PDE11A: variants seen among roughly 807,000 people sequenced by gnomAD.
The protein encoded by PDE11A is phosphodiesterase 11A, also known as dual 3',5'-cyclic-AMP and -GMP phosphodiesterase 11A.
Under a neutral mutation model 100.5 loss-of-function variants are expected in PDE11A, and 100 were observed. The observed-to-expected ratio is 1.00, with a 90% CI of 0.85 to 1.18. The LOEUF is 1.18. Among genes scored for constraint, PDE11A ranks in the 50% most tolerant of loss-of-function variants. The probability of loss-of-function intolerance (pLI) is 0.00; values close to 1 mark genes in which losing one functional copy is unlikely to be tolerated. For synonymous variants in PDE11A, 381 were observed against 420.8 expected, an observed-to-expected ratio of 0.91 and a Z score of 1.16; for missense variants, 1,141 against 1,152.6, an observed-to-expected ratio of 0.99 and a Z score of 0.15.
upstream of PDE11A, among the ~76,000 whole-genome samples, chr2:178,075,502 A>G (rs1267231719): frequency 1.0e-4 from 15 of 144,122 alleles, no homozygotes; most frequent in Non-Finnish European, 4.5e-5. Flanking sequence ...CAGTGAGCTG[A>G]GATCGCACCA....
chr2:177,780,641 G>A (rs111917805), intron 9 of PDE11A, among the ~76,000 whole-genome samples: 2 of 152,182 alleles, frequency 1.3e-5, no homozygotes, highest in Non-Finnish European at 2.9e-5. Flanking sequence ...AGATGTTCTG[G>A]ATAACTTGCT....
intron 6 of PDE11A, among the ~76,000 whole-genome samples, chr2:177,835,328 G>A (rs2083377650): frequency 6.6e-6 from 1 of 152,154 alleles, no homozygotes; most frequent in African/African-American, 2.4e-5. Flanking sequence ...CTGAGGCAGG[G>A]GGGCTCCTTA....
intron 5 of PDE11A, among the ~76,000 whole-genome samples, chr2:177,862,938 C>A (rs78124241): frequency 1.3e-5 from 2 of 151,802 alleles, no homozygotes; most frequent in African/African-American, 4.8e-5. Context: ...AATTATATTA[C>A]AAAGCTATAG....
At chr2:178,004,344 T>C (rs957887630) in intron 2 of PDE11A, among the ~76,000 whole-genome samples, 3 of 152,202 alleles carry the variant, frequency 2.0e-5, no homozygotes, top group Non-Finnish European at 2.9e-5. Flanking sequence ...ACTTGGATTC[T>C]ATTAAATTTT....
At chr2:177,953,350 A>G (rs1304958790) in intron 2 of PDE11A, 3 of 152,226 alleles carry the variant, frequency 2.0e-5, no homozygotes, top group Admixed American at 2.0e-4. Context: ...TTCATTCCAA[A>G]TAGAAAATCA....
chr2:177,794,432 G>GT (rs1408428753), intron 9 of PDE11A, among the ~76,000 whole-genome samples: 3 of 152,172 alleles, frequency 2.0e-5, no homozygotes, highest in Non-Finnish European at 2.9e-5. Flanking sequence ...GGAAACCATC[G>GT]TAACTTGGCC....
intron 2 of PDE11A, among the ~76,000 whole-genome samples, chr2:177,907,720 G>A (rs2084812557): frequency 6.6e-6 from 1 of 152,194 alleles, no homozygotes; most frequent in African/African-American, 2.4e-5. Flanking sequence ...GAACAGAAGT[G>A]TTTACTATCC....
rs189779917 is a variant in PDE11A, at chr2:177,916,593, G to T, written c.1072-11406C>A. On this transcript the variant is annotated intron_variant, in intron 2 of 19. Coordinates refer to ENST00000286063, the MANE Select transcript of PDE11A (RefSeq NM_016953.4). The stretch of plus-strand genomic sequence containing the variant: ...CCATAGTGACCGAACAGGCACCAAA[G>T]TCCCTTCCTTCTATCTGTGTCTTCT... Among the ~76,000 whole-genome samples the T allele has an allele frequency of 1.0e-3, 152 of 152,218 alleles. 1 individual carries two copies. In the Middle Eastern group the frequency reaches 0.01, roughly 10 times the overall value.
At chr2:177,916,927 ATTTTTTTTT>A (rs1183483256) in intron 2 of PDE11A, among the ~76,000 whole-genome samples, 11,859 of 105,352 alleles carry the variant, frequency 0.11, 521 homozygotes, top group South Asian at 0.14. Context: ...CGCCCGGCTA[ATTTTTTTTT>A]TTTTTTTTTT....
At chr2:178,052,036 C>A (rs1461863077) in intron 1 of PDE11A, among the ~76,000 whole-genome samples, 5 of 152,114 alleles carry the variant, frequency 3.3e-5, no homozygotes, top group Non-Finnish European at 7.4e-5. Context: ...ACAGAACTCT[C>A]CACCGCAAAT....
At chr2:177,964,893 G>A (rs1275306225) in intron 2 of PDE11A, among the ~76,000 whole-genome samples, 1 of 152,170 alleles carries the variant, frequency 6.6e-6, no homozygotes, top group Non-Finnish European at 1.5e-5. Context: ...ACCCAGTAAT[G>A]GGGTTGCAGG....
intron 15 of PDE11A, among the ~76,000 whole-genome samples, chr2:177,685,321 C>G (rs149997437): frequency 1.6e-4 from 25 of 152,276 alleles, no homozygotes; most frequent in African/African-American, 5.5e-4. Flanking sequence ...TCAGGAAAAG[C>G]CCTGTCAGAT....
chr2:177,981,299 T>C lies in PDE11A; in HGVS notation c.1071+33003A>G, dbSNP rs147766906. On this transcript the variant is annotated intron_variant, in intron 2 of 19. Transcript: ENST00000286063. Reference sequence around the variant, plus strand: ...AACAAAGTACCACAAATTAGGTGGCTTAGAACGACTGAAATGTATTGTCTC... The same window carrying C: ...AACAAAGTACCACAAATTAGGTGGCCTAGAACGACTGAAATGTATTGTCTC... Among the ~76,000 whole-genome samples the C allele has an allele frequency of 1.3e-4, 19 of 150,628 alleles. No individual in the cohort carries two copies. In the East Asian group the frequency reaches 3.7e-3, roughly 29 times the overall value.
intron 3 of PDE11A, among the ~76,000 whole-genome samples, chr2:177,902,648 C>T (rs1031547665): frequency 6.6e-6 from 1 of 152,194 alleles, no homozygotes; most frequent in African/African-American, 2.4e-5. Context: ...CAGCTAGATT[C>T]CTGGCTTTAA....
intron 2 of PDE11A, among the ~76,000 whole-genome samples, chr2:177,982,096 T>G (rs1020940965): frequency 6.6e-6 from 1 of 151,240 alleles, no homozygotes; most frequent in Admixed American, 6.6e-5. Flanking sequence ...TCAATTGTAC[T>G]AATCACGAAT....
rs553587812 is a variant in PDE11A, at chr2:177,967,235, C to T, written c.1071+47067G>A. Among the ~76,000 whole-genome samples the T allele has an allele frequency of 1.8e-3, 254 of 144,134 alleles. 3 individuals carry two copies. Among genetic ancestry groups the T allele is most frequent in the Middle Eastern group, 0.01 (3 of 288 alleles). The allele number at this position is 144,134 out of a possible 152,430, so 94.6% of individuals were successfully genotyped here. A position where few individuals can be genotyped will look rare whatever the true frequency, so the allele number is the denominator to read the frequency against. ...TTTTTTTTTTTTACTCTCCCTGTGT[C>T]GCCCAGCCTTGAGTACAGTGGCAGG... On this transcript the variant is annotated intron_variant, in intron 2 of 19. Coordinates refer to ENST00000286063, the MANE Select transcript of PDE11A (RefSeq NM_016953.4).
At chr2:178,064,442 C>A (rs951638401) in intron 1 of PDE11A, among the ~76,000 whole-genome samples, 1 of 152,158 alleles carries the variant, frequency 6.6e-6, no homozygotes, top group Non-Finnish European at 1.5e-5. Context: ...CACTTACCAA[C>A]GGAGTCACTT....
chr2:178,104,386 T>G, exon 2 of PDE11A: 1 of 1,614,078 alleles, frequency 6.2e-7, no homozygotes, highest in Non-Finnish European at 8.5e-7. Context: ...TTTGGACCAG[T>G]CTTGTGATTT....
intron 6 of PDE11A, among the ~76,000 whole-genome samples, chr2:177,823,157 C>T (rs1398816140): frequency 1.3e-5 from 2 of 152,126 alleles, no homozygotes; most frequent in East Asian, 1.9e-4. Flanking sequence ...ATAAATCATT[C>T]GTCCAGTGTA....
Sources: allele counts gnomAD v4.1 joint callset (sites outside exome capture counted in the v4.1 genomes callset), GRCh38; gene constraint gnomAD v4.1.1; transcripts MANE v1.5; gene names NCBI Gene and HGNC (gene_info 2026-07-23, HGNC 2026-07-21).